Variants in AUTS2 observed in about 807,000 individuals in gnomAD.
AUTS2 encodes the protein autism susceptibility gene 2 protein.
In AUTS2, 17 loss-of-function variants were observed where a neutral mutation model predicts 112.4. That is an observed-to-expected ratio of 0.15 (90% confidence interval 0.10 to 0.23). AUTS2 has a LOEUF of 0.23. AUTS2 is among the 10% of genes least tolerant of loss of function. AUTS2 has a pLI of 1.00. For synonymous variants in AUTS2, 751 were observed against 702.7 expected (o/e 1.07, Z -1.09); for missense variants, 1,510 against 1,701.6 (o/e 0.89, Z 1.98).
chr7:70,070,442 G>A (rs868572755), intron 2 of AUTS2, among the ~76,000 whole-genome samples: 4 of 151,866 alleles, frequency 2.6e-5, no homozygotes, highest in Admixed American at 6.6e-5. Flanking sequence ...AGCCAGGTGT[G>A]GTGGTGCATG....
intron 6 of AUTS2, among the ~76,000 whole-genome samples, chr7:70,726,822 G>C (rs778306058): frequency 5.3e-5 from 8 of 152,110 alleles, no homozygotes; most frequent in Non-Finnish European, 1.0e-4. Flanking sequence ...TGGCGCTTTT[G>C]TTCTTTTGAG....
At chr7:70,445,049 A>G (rs545662352) in intron 5 of AUTS2, among the ~76,000 whole-genome samples, 1 of 152,346 alleles carries the variant, frequency 6.6e-6, no homozygotes, top group East Asian at 1.9e-4. Context: ...ACATTGCATT[A>G]TTCAAAACAC....
intron 1 of AUTS2, among the ~76,000 whole-genome samples, chr7:69,643,695 C>A (rs1456868065): frequency 6.6e-6 from 1 of 151,396 alleles, no homozygotes; most frequent in Admixed American, 6.6e-5. Context: ...AAGTGTTTGT[C>A]AAAGGATTAT....
chr7:70,313,109 T>TA (rs1429853437), intron 4 of AUTS2, among the ~76,000 whole-genome samples: 1 of 152,150 alleles, frequency 6.6e-6, no homozygotes, highest in East Asian at 1.9e-4. Flanking sequence ...AGGCTCAGGC[T>TA]AAAAAAACTT....
At chr7:70,467,123 T>C (rs769983055) in intron 5 of AUTS2, among the ~76,000 whole-genome samples, 13 of 152,184 alleles carry the variant, frequency 8.5e-5, no homozygotes, top group Non-Finnish European at 1.6e-4. Context: ...AAATAGAGAC[T>C]CCAAAGTGAT....
intron 4 of AUTS2, among the ~76,000 whole-genome samples, chr7:70,426,139 A>T (rs1353920738): frequency 1.3e-5 from 2 of 152,182 alleles, no homozygotes; most frequent in East Asian, 3.9e-4. Context: ...TATGAAGGAT[A>T]ACGATGTGGT....
intron 4 of AUTS2, among the ~76,000 whole-genome samples, chr7:70,222,438 A>C (rs1811535125): frequency 6.6e-6 from 1 of 152,216 alleles, no homozygotes; most frequent in Admixed American, 6.5e-5. Context: ...TAAAAGAAGG[A>C]AGAAAACTGG....
At chr7:69,953,751 C>T (rs529843995) in intron 2 of AUTS2, among the ~76,000 whole-genome samples, 5 of 152,138 alleles carry the variant, frequency 3.3e-5, no homozygotes, top group African/African-American at 1.2e-4. Context: ...TCTATTTTTT[C>T]ATAAGCTTGA....
At chr7:70,373,993 C>T (rs1792968209) in intron 4 of AUTS2, among the ~76,000 whole-genome samples, 1 of 151,910 alleles carries the variant, frequency 6.6e-6, no homozygotes, top group South Asian at 2.1e-4. Flanking sequence ...TGTGAATTAA[C>T]TATACTTTAT....
intron 5 of AUTS2, among the ~76,000 whole-genome samples, chr7:70,535,380 T>C (rs1800275992): frequency 6.6e-6 from 1 of 151,910 alleles, no homozygotes; most frequent in African/African-American, 2.4e-5. Flanking sequence ...ACTGCATTGT[T>C]GTGTTGTTTT....
intron 4 of AUTS2, among the ~76,000 whole-genome samples, chr7:70,384,469 C>T (rs1402546861): frequency 6.6e-6 from 1 of 152,044 alleles, no homozygotes; most frequent in Admixed American, 6.6e-5. Flanking sequence ...GATGACAAGC[C>T]ACTCCTTCTG....
At chr7:70,016,720 T>C (rs1005981708) in intron 2 of AUTS2, among the ~76,000 whole-genome samples, 9 of 150,356 alleles carry the variant, frequency 6.0e-5, no homozygotes, top group African/African-American at 2.0e-4. Context: ...TGGGCTGGAG[T>C]GCAGTAGCTC....
intron 5 of AUTS2, among the ~76,000 whole-genome samples, chr7:70,690,901 T>G (rs1205385780): frequency 1.3e-5 from 2 of 152,196 alleles, no homozygotes; most frequent in South Asian, 2.1e-4. Flanking sequence ...TTCCAGGTTA[T>G]AGTGAGCTAT....
At chr7:69,662,177 C>CTTT (rs548089445) in intron 1 of AUTS2, among the ~76,000 whole-genome samples, 1 of 139,976 alleles carries the variant, frequency 7.1e-6, no homozygotes, top group African/African-American at 2.6e-5. Context: ...GTATTCAGAG[C>CTTT]TTTTTTTTTT....
chr7:70,500,847 C>T (rs752372735), intron 5 of AUTS2, among the ~76,000 whole-genome samples: 1 of 151,952 alleles, frequency 6.6e-6, no homozygotes, highest in African/African-American at 2.4e-5. Context: ...TCAGCCTCCT[C>T]GAGTAGCTGG....
intron 6 of AUTS2, among the ~76,000 whole-genome samples, chr7:70,724,516 G>A (rs1199454889): frequency 6.8e-6 from 1 of 146,362 alleles, no homozygotes; most frequent in Non-Finnish European, 1.5e-5. Flanking sequence ...CGTGATCTTG[G>A]CTCACTGCAA....
intron 4 of AUTS2, among the ~76,000 whole-genome samples, chr7:70,340,070 G>C (rs1023590234): frequency 2.0e-5 from 3 of 151,756 alleles, no homozygotes; most frequent in African/African-American, 7.3e-5. Context: ...CTGAGGTCTT[G>C]TCTGTAAAAA....
chr7:69,600,510 G>C (rs1241470281), intron 1 of AUTS2, among the ~76,000 whole-genome samples: 2 of 146,848 alleles, frequency 1.4e-5, no homozygotes, highest in Non-Finnish European at 3.0e-5. Flanking sequence ...TGATTTCTTT[G>C]CGCCTCCCCC....
At chr7:69,694,979 G>A (rs1562816667) in intron 1 of AUTS2, among the ~76,000 whole-genome samples, 1 of 152,136 alleles carries the variant, frequency 6.6e-6, no homozygotes, top group Non-Finnish European at 1.5e-5. Context: ...GTATTCCATG[G>A]GAGAGAACGT....
Sources: gnomAD v4.1 joint callset for allele counts (sites outside exome capture counted in the v4.1 genomes callset) on GRCh38, gnomAD v4.1.1 for gene constraint, MANE v1.5 for transcripts, NCBI Gene and HGNC (gene_info 2026-07-23, HGNC 2026-07-21) for gene names.